XYLT1: variants seen among roughly 807,000 people sequenced by gnomAD.
XYLT1 encodes the protein xylosyltransferase 1, also known as beta-D-xylosyltransferase 1.
XYLT1 carries 36 observed loss-of-function variants against 91.3 expected under a neutral mutation model. That is an observed-to-expected ratio of 0.39 (90% CI 0.30 to 0.52). XYLT1 has a LOEUF of 0.52. Among genes scored for constraint, XYLT1 ranks in the 20% least tolerant of loss-of-function variants. The pLI, the probability that XYLT1 is intolerant of heterozygous loss-of-function variation, is 0.68. For missense variants in XYLT1, 1,242 were observed against 1,284.5 expected (o/e 0.97, Z 0.51); for synonymous variants, 588 against 532.0 (o/e 1.11, Z -1.45).
At chr16:17,187,757 C>A (rs2141575828) in intron 5 of XYLT1, among the ~76,000 whole-genome samples, 1 of 151,826 alleles carries the variant, frequency 6.6e-6, no homozygotes, top group East Asian at 1.9e-4. Context: ...GCAATTCTCA[C>A]TTATTTTATC....
chr16:17,312,686 T>G lies in XYLT1; in HGVS notation c.402+45326A>C, dbSNP rs2034568796. 6.6e-6 allele frequency among the ~76,000 whole-genome samples: 1 copy of G among 152,240 alleles called. No individual in the cohort carries two copies. Among genetic ancestry groups the G allele is most frequent in the South Asian group, 2.1e-4 (1 of 4,836 alleles). On this transcript the variant is annotated intron_variant, in intron 2 of 11. Coordinates refer to ENST00000261381, the MANE Select transcript of XYLT1 (RefSeq NM_022166.4). The surrounding 1 kb of genome is among the most constrained non-coding windows in gnomAD (Gnocchi z 4.4). ...TCATGTGTGTATCCGTGATTCTATT[T>G]ACTGTTTAATCTTCACAGCAATCCT...
intron 11 of XYLT1, among the ~76,000 whole-genome samples, chr16:17,116,337 T>C (rs1966852176): frequency 1.3e-5 from 2 of 152,250 alleles, no homozygotes; most frequent in South Asian, 4.1e-4. Flanking sequence ...GTTAATTTCA[T>C]GTTTCATTTC....
Position 17,259,332 on chromosome 16 carries a change from T to C in XYLT1, c.569A>G (p.Lys190Arg). 6.2e-7 allele frequency: 1 copy of C among 1,614,188 alleles called. No homozygotes were observed. Among genetic ancestry groups the C allele is most frequent in the Non-Finnish European group, 8.5e-7 (1 of 1,180,030 alleles). ...ELAKKPPSRQ[K>R]ELLKRKLEQQ... The stretch of plus-strand genomic sequence containing the variant: ...TTCCAGCTTCCTTTTCAAAAGCTCC[T>C]TCTGTCTACTCGGTGGCTTCTTCGC... Residue 190 changes from lysine to arginine, a missense_variant, in exon 3 of 12, where the codon AAG becomes AGG. Physicochemically the swap from Lys to Arg is conservative, Grantham distance 26 (BLOSUM62 2). Transcript: ENST00000261381.
At chr16:17,253,964 C>T (rs1372178819) in intron 3 of XYLT1, among the ~76,000 whole-genome samples, 2 of 152,168 alleles carry the variant, frequency 1.3e-5, no homozygotes, top group African/African-American at 4.8e-5. Context: ...GGGATACAGG[C>T]TCTGTAACAT....
chr16:17,166,950 G>C (rs1041807918), intron 5 of XYLT1, among the ~76,000 whole-genome samples: 1 of 152,182 alleles, frequency 6.6e-6, no homozygotes, highest in African/African-American at 2.4e-5. Context: ...ATGAGAAAAT[G>C]CTTCATAATA....
At chr16:17,346,174 C>G (rs896176956) in intron 2 of XYLT1, among the ~76,000 whole-genome samples, 1 of 152,148 alleles carries the variant, frequency 6.6e-6, no homozygotes, top group South Asian at 2.1e-4. Flanking sequence ...GAAGGTCTCA[C>G]AGCAGCTAAG....
intron 5 of XYLT1, among the ~76,000 whole-genome samples, chr16:17,164,435 T>G (rs1416448893): frequency 6.6e-6 from 1 of 152,154 alleles, no homozygotes; most frequent in Non-Finnish European, 1.5e-5. Context: ...CTGGATGGAT[T>G]CACATTGTTG....
At chr16:17,179,918 G>A (rs1448653360) in intron 5 of XYLT1, among the ~76,000 whole-genome samples, 1 of 152,162 alleles carries the variant, frequency 6.6e-6, no homozygotes, top group African/African-American at 2.4e-5. Flanking sequence ...TACTGCAAGC[G>A]GCCCACAGGC....
intron 6 of XYLT1, among the ~76,000 whole-genome samples, chr16:17,142,954 G>C (rs1377420953): frequency 6.6e-6 from 1 of 151,956 alleles, no homozygotes; most frequent in South Asian, 2.1e-4. Flanking sequence ...CCAAAATCAC[G>C]AACCTCCCCT....
intron 1 of XYLT1, among the ~76,000 whole-genome samples, chr16:17,376,519 T>A (rs947654245): frequency 2.0e-5 from 3 of 152,170 alleles, no homozygotes; most frequent in African/African-American, 7.2e-5. Flanking sequence ...TGGTGACTTG[T>A]CTTTTCTGTT....
chr16:17,365,826 T>C (rs1340264668), intron 1 of XYLT1, among the ~76,000 whole-genome samples: 1 of 152,162 alleles, frequency 6.6e-6, no homozygotes, highest in Non-Finnish European at 1.5e-5. Flanking sequence ...TTCTCCAGCT[T>C]GGTATGTGTA....
chr16:17,167,933 T>C (rs2031737295), intron 5 of XYLT1, among the ~76,000 whole-genome samples: 1 of 152,212 alleles, frequency 6.6e-6, no homozygotes, highest in Non-Finnish European at 1.5e-5. Flanking sequence ...GAGGAGACAC[T>C]GCCAGTGCTC....
chr16:17,351,749 TG>T lies in XYLT1; in HGVS notation c.402+6262del, dbSNP rs67167449. ...CTACTGACATTTGAGGCTTTTTTTT[TG>T]GGGGGGGGTGCTTTCCTGTGCATTA... On this transcript the variant is annotated intron_variant, in intron 2 of 11. Transcript: ENST00000261381. Among the ~76,000 whole-genome samples, 51 of 134,898 alleles carry T rather than the reference TG, an allele frequency of 3.8e-4. No homozygotes were observed. The South Asian group carries it at 3.9e-3, about 10-fold the overall frequency. 88.5% of individuals were successfully genotyped at this position (134,898 alleles called of 152,430 possible).
chr16:17,448,149 C>T (rs2036616456), intron 1 of XYLT1, among the ~76,000 whole-genome samples: 1 of 152,216 alleles, frequency 6.6e-6, no homozygotes, highest in Admixed American at 6.5e-5. Flanking sequence ...GGGTGGATCA[C>T]TTGAGGTCAG....
At position 17,247,023 on chromosome 16, in the gene XYLT1, A is replaced by C. The variant is rs142731363; in HGVS notation, c.913+11965T>G. ...AGGCTTCCAGGAGGAAGTGGCATTG[A>C]TATGAATTCCTAGCCCTGGACTGCC... On this transcript the variant is annotated intron_variant, in intron 3 of 11. Coordinates refer to ENST00000261381, the MANE Select transcript of XYLT1 (RefSeq NM_022166.4). Among the ~76,000 whole-genome samples the C allele has an allele frequency of 1.4e-3, 208 of 152,246 alleles. 2 individuals carry two copies. The East Asian group carries it at 0.026, about 19-fold the overall frequency.
chr16:17,150,691 A>G (rs2031260078), intron 6 of XYLT1, among the ~76,000 whole-genome samples: 1 of 152,234 alleles, frequency 6.6e-6, no homozygotes, highest in Non-Finnish European at 1.5e-5. Context: ...CAGGCTCTGC[A>G]TTCCACACTC....
At chr16:17,323,345 C>T (rs572629366) in intron 2 of XYLT1, among the ~76,000 whole-genome samples, 3 of 152,178 alleles carry the variant, frequency 2.0e-5, no homozygotes, top group South Asian at 2.1e-4. Flanking sequence ...AAGAACAATG[C>T]GGTTTTTGGC....
intron 3 of XYLT1, among the ~76,000 whole-genome samples, chr16:17,210,690 G>T (rs1371990073): frequency 2.0e-5 from 3 of 152,228 alleles, no homozygotes; most frequent in African/African-American, 7.2e-5. Context: ...GATTACAGGT[G>T]TGAGCCACCT....
At chr16:17,235,745 C>T (rs956180283) in intron 3 of XYLT1, among the ~76,000 whole-genome samples, 9 of 152,182 alleles carry the variant, frequency 5.9e-5, no homozygotes, top group East Asian at 1.9e-4. Flanking sequence ...GAAAATCTGA[C>T]GTGTTGGTAA....
Sources: allele counts gnomAD v4.1 joint callset (sites outside exome capture counted in the v4.1 genomes callset), GRCh38; gene constraint gnomAD v4.1.1; non-coding constraint Gnocchi (gnomAD v3.1); transcripts MANE v1.5; gene names NCBI Gene and HGNC (gene_info 2026-07-23, HGNC 2026-07-21).